The following ATP10D variants were observed in gnomAD, a reference collection of about 807,000 sequenced individuals.
ATP10D encodes the protein phospholipid-transporting ATPase VD.
Under a neutral mutation model 144.8 loss-of-function variants are expected in ATP10D, and 89 were observed. The ratio of observed to expected loss-of-function variants is 0.61; its 90% CI spans 0.52 to 0.73. The LOEUF (loss-of-function observed/expected upper bound fraction) is 0.73, where lower values mean the gene tolerates loss of function less well. Among genes scored for constraint, ATP10D ranks in the 30% least tolerant of loss-of-function variants. The pLI is 0.00. For synonymous variants in ATP10D, 571 were observed against 615.1 expected, an observed-to-expected ratio of 0.93 and a Z score of 1.06; for missense variants, 1,603 against 1,714.8, an observed-to-expected ratio of 0.93 and a Z score of 1.15.
chr4:47,520,064 A>G (rs764228827), intron 3 of ATP10D, among the ~76,000 whole-genome samples: 3 of 152,212 alleles, frequency 2.0e-5, no homozygotes, highest in Non-Finnish European at 4.4e-5. Flanking sequence ...TTTTCTTCTA[A>G]TATAGAGAAA....
chr4:47,488,960 G>A (rs191054861), intron 1 of ATP10D, among the ~76,000 whole-genome samples: 233 of 152,264 alleles, frequency 1.5e-3, no homozygotes, highest in African/African-American at 5.0e-3. Context: ...ATCTGCTGGC[G>A]CCTTGATTTT....
In ATP10D at chr4:47,593,349, A is replaced by G. The variant is rs910972444; in HGVS notation, c.*1968A>G. 6.6e-6 allele frequency: 1 copy of G among 152,118 alleles called. No individual in the cohort carries two copies. The highest frequency in any genetic ancestry group is 1.5e-5 in the Non-Finnish European group (1 of 67,980). 9.4% of individuals were successfully genotyped at this position (152,118 alleles called of 1,614,324 possible). ...CTATGCCCTGAACAAATGTAAAGCT[A>G]TTTATGTACTTTGCTTAATGTAATC... On this transcript the variant is annotated 3_prime_UTR_variant, in exon 23 of 23. Coordinates refer to ENST00000273859, the MANE Select transcript of ATP10D (RefSeq NM_020453.4).
At chr4:47,526,697 A>T (rs1279382099) in intron 5 of ATP10D, among the ~76,000 whole-genome samples, 1 of 152,200 alleles carries the variant, frequency 6.6e-6, no homozygotes, top group Non-Finnish European at 1.5e-5. Flanking sequence ...CCAGATACAA[A>T]AATCGATTGT....
At chr4:47,489,280 T>C (rs1714951085) in intron 1 of ATP10D, among the ~76,000 whole-genome samples, 2 of 152,254 alleles carry the variant, frequency 1.3e-5, no homozygotes, top group African/African-American at 4.8e-5. Flanking sequence ...AAATGTATCA[T>C]TTTGTTGGGA....
intron 10 of ATP10D, 113 bp downstream of exon 10, chr4:47,546,975 T>A: frequency 1.0e-6 from 1 of 968,886 alleles, no homozygotes. Flanking sequence ...TAGAAGAGAC[T>A]ACATGATTGC....
chr4:47,573,853 T>C (rs1386392521), intron 18 of ATP10D, among the ~76,000 whole-genome samples: 1 of 150,942 alleles, frequency 6.6e-6, no homozygotes, highest in Non-Finnish European at 1.5e-5. Flanking sequence ...TTTAGAACTC[T>C]GTGTGCACAT....
chr4:47,584,029 G>A (rs542746568), intron 21 of ATP10D, among the ~76,000 whole-genome samples: 6 of 152,100 alleles, frequency 3.9e-5, no homozygotes, highest in Admixed American at 2.0e-4. Context: ...ATATTTTGCC[G>A]AGACTGCACA....
Position 47,569,117 on chromosome 4 carries a change from G to A in ATP10D, c.3134G>A (p.Ser1045Asn). The change falls in exon 16 of 23, where the codon AGC becomes AAC. Residue 1045 changes from serine (S) to asparagine (N), a missense_variant. Transcript: ENST00000273859. ...QKSEVVKLVR[S>N]HLQVMTLAIG... ...AGTGAAGTGGTGAAATTGGTCCGCA[G>A]CCATCTCCAGGTGATGACCCTTGCT... The A allele has an allele frequency of 1.2e-6, 2 of 1,613,816 alleles. No individual in the cohort carries two copies. Among genetic ancestry groups the A allele is most frequent in the East Asian group, 2.2e-5 (1 of 44,888 alleles).
At chr4:47,589,910 T>G (rs975455076) in intron 22 of ATP10D, among the ~76,000 whole-genome samples, 1 of 152,134 alleles carries the variant, frequency 6.6e-6, no homozygotes, top group African/African-American at 2.4e-5. Context: ...GAAAACAATC[T>G]TGCATTCCTG....
intron 14 of ATP10D, among the ~76,000 whole-genome samples, chr4:47,561,916 TC>T: frequency 6.6e-6 from 1 of 152,178 alleles, no homozygotes. Flanking sequence ...TGAGCTCCAT[TC>T]CTCTATTTAG....
At chr4:47,565,735 G>A (rs1197930804) in intron 15 of ATP10D, among the ~76,000 whole-genome samples, 8 of 151,586 alleles carry the variant, frequency 5.3e-5, no homozygotes, top group Admixed American at 5.2e-4. Flanking sequence ...CATTTATAAT[G>A]CAATATATCC....
In ATP10D at chr4:47,576,323, G is replaced by A. The variant is rs544179980; in HGVS notation, c.3367-450G>A. Among the ~76,000 whole-genome samples the A allele has an allele frequency of 2.8e-4, 43 of 152,190 alleles. 1 individual carries two copies. Among genetic ancestry groups the A allele is most frequent in the Admixed American group, 2.3e-3 (35 of 15,290 alleles). ...GGATAGTGCTCTGTGCTCTCAAGTA[G>A]GGCAGACCACAGGAAAGGACATTGG... is the stretch of plus-strand genomic sequence containing the variant. On this transcript the variant is annotated intron_variant, in intron 18 of 22. Transcript: ENST00000273859.
intron 3 of ATP10D, among the ~76,000 whole-genome samples, chr4:47,520,065 T>A (rs947292903): frequency 2.0e-5 from 3 of 152,216 alleles, no homozygotes; most frequent in Non-Finnish European, 4.4e-5. Flanking sequence ...TTTCTTCTAA[T>A]ATAGAGAAAG....
chr4:47,502,274 A>T (rs974097375), intron 1 of ATP10D, among the ~76,000 whole-genome samples: 2 of 152,194 alleles, frequency 1.3e-5, no homozygotes, highest in Non-Finnish European at 2.9e-5. Flanking sequence ...GATCGAGACC[A>T]TCCTGGCTAA....
intron 1 of ATP10D, among the ~76,000 whole-genome samples, chr4:47,499,616 C>G (rs929524244): frequency 1.3e-5 from 2 of 152,098 alleles, no homozygotes; most frequent in Non-Finnish European, 2.9e-5. Context: ...ATAAAGAATA[C>G]GCTTGTGCTC....
intron 10 of ATP10D, among the ~76,000 whole-genome samples, chr4:47,549,681 A>G (rs775594484): frequency 1.1e-4 from 16 of 152,254 alleles, no homozygotes; most frequent in Non-Finnish European, 1.9e-4. Flanking sequence ...AGATGTAGTC[A>G]TAGTAGTTAA....
rs1362481492 is a variant in ATP10D, at chr4:47,572,976, C to T, written c.3345C>T (p.Leu1115=). Residue 1115 remains leucine (L), a synonymous_variant, in exon 18 of 23, where the codon CTC becomes CTT. Coordinates refer to ENST00000273859, the MANE Select transcript of ATP10D (RefSeq NM_020453.4). ...ATACACGGCTTTCCAACATGATTCT[C>T]TATTTTTTCTATAAGAATGTGGTAT... ...WCYTRLSNMI[L]YFFYKNVAYV... The T allele has an allele frequency of 6.2e-7, 1 of 1,614,090 alleles. No homozygotes were observed. The highest frequency in any genetic ancestry group is 1.7e-5 in the Admixed American group (1 of 60,012).
At chr4:47,513,768 GGC>G (rs1716487149) in intron 2 of ATP10D, among the ~76,000 whole-genome samples, 1 of 152,106 alleles carries the variant, frequency 6.6e-6, no homozygotes, top group African/African-American at 2.4e-5. Flanking sequence ...AAGAGTTGAG[GGC>G]CAAGTCTGCA....
At chr4:47,535,369 T>A in intron 5 of ATP10D, 140 bp from the exon 6 acceptor site, 2 of 591,446 alleles carry the variant, frequency 3.4e-6, no homozygotes. Context: ...ATAACCAAAG[T>A]AAATGGGCCA....
Sources: gnomAD v4.1 joint callset for allele counts (sites outside exome capture counted in the v4.1 genomes callset) on GRCh38, gnomAD v4.1.1 for gene constraint, MANE v1.5 for transcripts, NCBI Gene and HGNC (gene_info 2026-07-23, HGNC 2026-07-21) for gene names.